Variants in RIMS2 observed in about 807,000 individuals in gnomAD.
The protein encoded by RIMS2 is regulating synaptic membrane exocytosis 2, also known as regulating synaptic membrane exocytosis protein 2.
A neutral mutation model predicts 174.4 loss-of-function variants in RIMS2; 59 were observed. The ratio of observed to expected loss-of-function variants is 0.34; its 90% confidence interval spans 0.27 to 0.42. The LOEUF (loss-of-function observed/expected upper bound fraction) is 0.42, where lower values mean the gene tolerates loss of function less well. Among genes scored for constraint, RIMS2 ranks in the 10% least tolerant of loss-of-function variants. The pLI is 1.00. For synonymous variants in RIMS2, 606 were observed against 572.5 expected (o/e 1.06, Z -0.84); for missense variants, 1,620 against 1,666.3 (o/e 0.97, Z 0.48).
chr8:104,250,933 A>G, intron 22 of RIMS2, 91 bp from the exon 29 acceptor site: 1 of 1,152,184 alleles, frequency 8.7e-7, no homozygotes, highest in Non-Finnish European at 1.3e-6. Context: ...TCTTTCAGCC[A>G]AAGATTACTA....
At chr8:103,655,980 A>G (rs1350704846) in intron 1 of RIMS2, among the ~76,000 whole-genome samples, 2 of 152,150 alleles carry the variant, frequency 1.3e-5, no homozygotes, top group African/African-American at 4.8e-5. Flanking sequence ...GAGAATAGAA[A>G]TGGAGAGAGC....
At chr8:103,684,305 T>A (rs1387537830) in intron 1 of RIMS2, among the ~76,000 whole-genome samples, 2 of 152,168 alleles carry the variant, frequency 1.3e-5, no homozygotes, top group Non-Finnish European at 2.9e-5. Context: ...AAGTAGGCAG[T>A]CTATGGTACA....
chr8:103,835,000 G>C (rs2098864675), intron 3 of RIMS2, among the ~76,000 whole-genome samples: 1 of 151,716 alleles, frequency 6.6e-6, no homozygotes, highest in Non-Finnish European at 1.5e-5. Context: ...TGAACTCCTG[G>C]ACTCAAGCGA....
intron 19 of RIMS2, among the ~76,000 whole-genome samples, chr8:104,101,399 G>T (rs1457289600): frequency 6.6e-6 from 1 of 152,006 alleles, no homozygotes; most frequent in Non-Finnish European, 1.5e-5. Context: ...AAAGTGCTGG[G>T]ATTACAGGCA....
chr8:104,251,982 A>T (rs983226755), downstream of RIMS2: 4 of 609,566 alleles, frequency 6.6e-6, no homozygotes, highest in Non-Finnish European at 1.2e-5. Flanking sequence ...AGTTGCACAC[A>T]TTGTGCCCTA....
At chr8:104,154,889 A>G (rs2098711826) in intron 19 of RIMS2, among the ~76,000 whole-genome samples, 1 of 152,052 alleles carries the variant, frequency 6.6e-6, no homozygotes, top group South Asian at 2.1e-4. Context: ...GGTGATCCTC[A>G]ATGAAAGGGC....
chr8:103,676,639 A>G (rs1191884766), intron 1 of RIMS2, among the ~76,000 whole-genome samples: 5 of 151,672 alleles, frequency 3.3e-5, no homozygotes, highest in Non-Finnish European at 2.9e-5. Flanking sequence ...AAGCTTCTGC[A>G]TATCAATAGG....
intron 1 of RIMS2, among the ~76,000 whole-genome samples, chr8:103,688,536 A>G (rs992885421): frequency 2.6e-5 from 4 of 152,036 alleles, no homozygotes; most frequent in African/African-American, 7.2e-5. Context: ...TTTTGCATCT[A>G]TGTTCATCAA....
At chr8:103,556,549 C>G (rs1353345492) in intron 1 of RIMS2, among the ~76,000 whole-genome samples, 4 of 152,182 alleles carry the variant, frequency 2.6e-5, no homozygotes, top group Admixed American at 6.5e-5. Context: ...ACTGGGGTAG[C>G]CAGGACTTCA....
intron 1 of RIMS2, among the ~76,000 whole-genome samples, chr8:103,669,577 G>A (rs777553501): frequency 1.3e-5 from 2 of 152,190 alleles, no homozygotes; most frequent in Non-Finnish European, 2.9e-5. Flanking sequence ...TGGGAGTATA[G>A]GCATTGGATA....
chr8:103,930,526 C>A lies in RIMS2; in HGVS notation c.2245-737C>A, dbSNP rs191923348. ...GAGGTATGTGTGTGGGAGGTGATAA[C>A]TGTTAAATCAAGTGAATTCAGCAGT... On this transcript the variant is annotated intron_variant, in intron 11 of 23. Transcript: ENST00000504942. Among the ~76,000 whole-genome samples, 309 of 152,160 alleles carry A rather than the reference C, an allele frequency of 2.0e-3. 2 individuals are homozygous for A. Among genetic ancestry groups the A allele is most frequent in the Non-Finnish European group, 3.7e-3 (254 of 67,936 alleles).
intron 19 of RIMS2, among the ~76,000 whole-genome samples, chr8:104,172,350 G>A (rs2098837326): frequency 2.0e-5 from 3 of 152,234 alleles, no homozygotes; most frequent in East Asian, 1.9e-4. Context: ...GTAGAAATGG[G>A]AGGTACCAAC....
intron 19 of RIMS2, among the ~76,000 whole-genome samples, chr8:104,160,710 A>C (rs2098755850): frequency 6.6e-6 from 1 of 152,212 alleles, no homozygotes; most frequent in South Asian, 2.1e-4. Context: ...TTATTCATTA[A>C]ATAAACATTT....
chr8:103,511,466 G>A (rs1826398718), intron 1 of RIMS2, among the ~76,000 whole-genome samples: 1 of 152,012 alleles, frequency 6.6e-6, no homozygotes, highest in Non-Finnish European at 1.5e-5. Context: ...GGCATGTTTG[G>A]TTGAATATCC....
intron 3 of RIMS2, among the ~76,000 whole-genome samples, chr8:103,813,275 C>T (rs2098699836): frequency 6.6e-6 from 1 of 152,060 alleles, no homozygotes; most frequent in Admixed American, 6.6e-5. Context: ...GCATAACTTT[C>T]CAATTTTGAT....
chr8:103,994,922 T>C (rs920906100), intron 17 of RIMS2, among the ~76,000 whole-genome samples: 7 of 151,916 alleles, frequency 4.6e-5, no homozygotes, highest in African/African-American at 1.7e-4. Flanking sequence ...TGATTTTATA[T>C]ATATATTTTA....
intron 19 of RIMS2, among the ~76,000 whole-genome samples, chr8:104,166,838 T>C (rs577543525): frequency 6.6e-6 from 1 of 152,238 alleles, no homozygotes; most frequent in African/African-American, 2.4e-5. Flanking sequence ...CTTTGCATCC[T>C]CATAGCTTAG....
intron 15 of RIMS2, among the ~76,000 whole-genome samples, chr8:103,967,693 T>C (rs1055119721): frequency 2.0e-5 from 3 of 152,264 alleles, no homozygotes; most frequent in Non-Finnish European, 4.4e-5. Context: ...TTGCCTGACA[T>C]ATTTTGATAC....
intron 3 of RIMS2, among the ~76,000 whole-genome samples, chr8:103,869,890 A>G (rs1470336969): frequency 1.3e-5 from 2 of 152,170 alleles, no homozygotes; most frequent in Admixed American, 6.6e-5. Flanking sequence ...AGAAGAAGTA[A>G]TAGTCACTTG....
Sources: allele counts gnomAD v4.1 joint callset (sites outside exome capture counted in the v4.1 genomes callset), GRCh38; gene constraint gnomAD v4.1.1; transcripts MANE v1.5; gene names NCBI Gene and HGNC (gene_info 2026-07-23, HGNC 2026-07-21).